TMEM163: variants seen among roughly 807,000 people sequenced by gnomAD.
TMEM163 encodes the protein transmembrane protein 163.
Under a neutral mutation model 29.3 loss-of-function variants are expected in TMEM163, and 17 were observed. The observed-to-expected ratio is 0.58, with a 90% CI of 0.40 to 0.87. The LOEUF is 0.87. Among genes scored for constraint, TMEM163 ranks in the 40% least tolerant of loss-of-function variants. The pLI is 0.00. For missense variants in TMEM163, 303 were observed against 381.5 expected (o/e 0.79, Z 1.71); for synonymous variants, 157 against 160.6 (o/e 0.98, Z 0.17).
chr2:134,656,827 C>T (rs1683631461), intron 2 of TMEM163, among the ~76,000 whole-genome samples: 2 of 152,106 alleles, frequency 1.3e-5, no homozygotes, highest in Non-Finnish European at 2.9e-5. Context: ...TTATAAAACG[C>T]TTTTACTTTG....
At chr2:134,618,028 C>A (rs745999375) in intron 2 of TMEM163, among the ~76,000 whole-genome samples, 5 of 151,980 alleles carry the variant, frequency 3.3e-5, no homozygotes, top group Non-Finnish European at 7.4e-5. Flanking sequence ...GTGGGAGGAT[C>A]ACTTGAGCCC....
intron 2 of TMEM163, among the ~76,000 whole-genome samples, chr2:134,698,448 C>T (rs1684626169): frequency 1.3e-5 from 2 of 152,084 alleles, no homozygotes; most frequent in South Asian, 4.2e-4. Context: ...TTACCTTTCA[C>T]TCATTTCTTT....
chr2:134,494,628 C>T (rs1414854980), intron 5 of TMEM163, among the ~76,000 whole-genome samples: 2 of 152,238 alleles, frequency 1.3e-5, no homozygotes, highest in African/African-American at 2.4e-5. Context: ...TCTACTCCAA[C>T]AGCCATCATG....
chr2:134,456,564 G>C lies in TMEM163; in HGVS notation c.*152C>G. 1 of 875,886 alleles carries C rather than the reference G, an allele frequency of 1.1e-6. No individual in the cohort carries two copies. The highest frequency in any genetic ancestry group is 1.8e-6 in the Non-Finnish European group (1 of 555,368). 54.3% of individuals were successfully genotyped at this position (875,886 alleles called of 1,614,324 possible). ...GGCGGCAGGTGATGGGGGCAAGGTA[G>C]ATCCACCTGGCTGGGCAGACCTTGT... On this transcript the variant is annotated 3_prime_UTR_variant, in exon 8 of 8. Transcript: ENST00000281924.
chr2:134,472,174 A>C (rs1686817788), intron 5 of TMEM163, among the ~76,000 whole-genome samples: 1 of 152,246 alleles, frequency 6.6e-6, no homozygotes, highest in Non-Finnish European at 1.5e-5. Flanking sequence ...TAGCAAAGCC[A>C]TAAAAGATTG....
intron 2 of TMEM163, among the ~76,000 whole-genome samples, chr2:134,704,865 T>C (rs920553597): frequency 2.0e-5 from 3 of 152,148 alleles, no homozygotes; most frequent in African/African-American, 7.2e-5. Flanking sequence ...CTCTATCTGC[T>C]TGGTGCTGGC....
intron 2 of TMEM163, among the ~76,000 whole-genome samples, chr2:134,625,486 A>T (rs148878684): frequency 4.6e-5 from 7 of 152,354 alleles, no homozygotes; most frequent in African/African-American, 1.7e-4. Flanking sequence ...AAAACAAGTC[A>T]TACGCAGTTC....
chr2:134,514,399 T>C (rs1463664114), intron 4 of TMEM163, among the ~76,000 whole-genome samples: 1 of 141,262 alleles, frequency 7.1e-6, no homozygotes, highest in Non-Finnish European at 1.5e-5. Flanking sequence ...TTTTTTTTTT[T>C]TTTTTTTTAA....
chr2:134,572,834 T>C (rs1310327063), intron 2 of TMEM163, among the ~76,000 whole-genome samples: 1 of 152,248 alleles, frequency 6.6e-6, no homozygotes, highest in Non-Finnish European at 1.5e-5. Context: ...AAAGAGGCAA[T>C]ATTCCTGAAA....
intron 2 of TMEM163, among the ~76,000 whole-genome samples, chr2:134,591,129 C>T (rs1204171357): frequency 1.3e-5 from 2 of 152,226 alleles, no homozygotes; most frequent in East Asian, 3.8e-4. Context: ...CATCCCTCAT[C>T]AATTTCTTAT....
intron 4 of TMEM163, among the ~76,000 whole-genome samples, chr2:134,522,208 C>T (rs1680204432): frequency 6.6e-6 from 1 of 152,134 alleles, no homozygotes; most frequent in South Asian, 2.1e-4. Context: ...ACTGTGACAG[C>T]CTTTGTCTGC....
At chr2:134,689,987 G>A (rs1684427220) in intron 2 of TMEM163, among the ~76,000 whole-genome samples, 1 of 152,168 alleles carries the variant, frequency 6.6e-6, no homozygotes. Context: ...CTGGAATGCA[G>A]TGGTGTGATC....
At chr2:134,569,195 C>G (rs1185204555) in intron 2 of TMEM163, among the ~76,000 whole-genome samples, 1 of 152,174 alleles carries the variant, frequency 6.6e-6, no homozygotes, top group East Asian at 1.9e-4. Context: ...GACAATAATT[C>G]TTCCCTGACA....
At chr2:134,558,683 A>C (rs1681100241) in intron 2 of TMEM163, among the ~76,000 whole-genome samples, 1 of 152,222 alleles carries the variant, frequency 6.6e-6, no homozygotes, top group Non-Finnish European at 1.5e-5. Flanking sequence ...GGATCAGTGC[A>C]GACAGCCCCT....
chr2:134,674,272 A>G (rs1417259357), intron 2 of TMEM163, among the ~76,000 whole-genome samples: 1 of 152,112 alleles, frequency 6.6e-6, no homozygotes, highest in African/African-American at 2.4e-5. Context: ...CAGCTTTATA[A>G]AAAGTATCTC....
rs138877351 is a variant in TMEM163, at chr2:134,669,285, C to T, written c.322+43915G>A. ...TACTTTGGGCACGAGGTCCCTTCCT[C>T]GGTCACAAGGTACCGAGTCTCTCCA... is the stretch of plus-strand genomic sequence containing the variant. On this transcript the variant is annotated intron_variant, in intron 2 of 7. Transcript: ENST00000281924. 3.3e-3 allele frequency among the ~76,000 whole-genome samples: 506 copies of T among 152,344 alleles called. 7 individuals carry two copies. In the East Asian group the frequency reaches 0.04, roughly 12 times the overall value.
chr2:134,556,196 A>G lies in TMEM163; in HGVS notation c.323-4105T>C, dbSNP rs150907375. 1.1e-4 allele frequency among the ~76,000 whole-genome samples: 17 copies of G among 152,248 alleles called. No individual in the cohort carries two copies. In the East Asian group the frequency reaches 3.3e-3, roughly 29 times the overall value. ...CCCGAAGACAGACTGAACCTCTTAA[A>G]TCAGTCCTGCCTGATCTATCCCTCT... On this transcript the variant is annotated intron_variant, in intron 2 of 7. Coordinates refer to ENST00000281924, the MANE Select transcript of TMEM163 (RefSeq NM_030923.5).
chr2:134,681,023 C>T (rs1248370859), intron 2 of TMEM163, among the ~76,000 whole-genome samples: 1 of 152,128 alleles, frequency 6.6e-6, no homozygotes, highest in Non-Finnish European at 1.5e-5. Flanking sequence ...GATGGAGCCG[C>T]CACCCATCTT....
chr2:134,547,630 T>C (rs903453602), intron 4 of TMEM163, among the ~76,000 whole-genome samples: 2 of 152,262 alleles, frequency 1.3e-5, no homozygotes, highest in Admixed American at 1.3e-4. Context: ...TTACATGGGG[T>C]AAAGCCAGGG....
Sources: gnomAD v4.1 joint callset for allele counts (sites outside exome capture counted in the v4.1 genomes callset) on GRCh38, gnomAD v4.1.1 for gene constraint, MANE v1.5 for transcripts, NCBI Gene and HGNC (gene_info 2026-07-23, HGNC 2026-07-21) for gene names.